PDE1C: variants seen among roughly 807,000 people sequenced by gnomAD.
PDE1C encodes phosphodiesterase 1C.
PDE1C carries 62 observed loss-of-function variants against 93.1 expected under a neutral mutation model. That is an observed-to-expected ratio of 0.67 (90% CI 0.54 to 0.82). The LOEUF (loss-of-function observed/expected upper bound fraction) is 0.82. Among genes scored for constraint, PDE1C ranks in the 40% least tolerant of loss-of-function variants. PDE1C has a pLI of 0.00. For synonymous variants in PDE1C, 325 were observed against 310.1 expected (o/e 1.05, Z -0.50); for missense variants, 742 against 884.6 (o/e 0.84, Z 2.04).
At chr7:31,725,586 G>A in the PDE1C span, among the ~76,000 whole-genome samples, 1 of 152,168 alleles carries the variant, frequency 6.6e-6, no homozygotes, top group Non-Finnish European at 1.5e-5. Context: ...CATCAGGAGT[G>A]AGGGAACACT....
intron 1 of PDE1C, among the ~76,000 whole-genome samples, chr7:32,245,863 A>G (rs1483471968): frequency 1.3e-5 from 2 of 151,866 alleles, no homozygotes; most frequent in African/African-American, 2.4e-5. Context: ...ACTAATCTCA[A>G]CCACAAGGAC....
At chr7:31,860,476 A>G (rs1794564023) in intron 7 of PDE1C, among the ~76,000 whole-genome samples, 1 of 152,228 alleles carries the variant, frequency 6.6e-6, no homozygotes. Context: ...ATAAGTTTAT[A>G]TATCCTTAGA....
intron 17 of PDE1C, among the ~76,000 whole-genome samples, chr7:31,767,836 C>T (rs922862408): frequency 5.3e-5 from 8 of 152,282 alleles, no homozygotes; most frequent in African/African-American, 1.9e-4. Context: ...ATGGTAAAAA[C>T]AGACCAAGCT....
the PDE1C span, among the ~76,000 whole-genome samples, chr7:31,639,987 C>T: frequency 6.6e-6 from 1 of 152,086 alleles, no homozygotes; most frequent in African/African-American, 2.4e-5. Context: ...TTAATATATG[C>T]CACACATTTG....
At chr7:32,244,649 C>G (rs528798848) in intron 1 of PDE1C, among the ~76,000 whole-genome samples, 1 of 152,296 alleles carries the variant, frequency 6.6e-6, no homozygotes, top group South Asian at 2.1e-4. Flanking sequence ...TCAGATAATG[C>G]TGAAAAAGCC....
the PDE1C span, among the ~76,000 whole-genome samples, chr7:31,713,263 C>T: frequency 1.3e-5 from 2 of 152,164 alleles, no homozygotes; most frequent in Non-Finnish European, 2.9e-5. Flanking sequence ...GCTCCAGGGC[C>T]CATGCAAGTC....
intron 2 of PDE1C, among the ~76,000 whole-genome samples, chr7:32,194,652 C>T (rs1311069829): frequency 1.3e-5 from 2 of 152,164 alleles, no homozygotes; most frequent in Non-Finnish European, 2.9e-5. Context: ...AGCTGTCAAC[C>T]TGTCTATACA....
rs369409248 is a variant in PDE1C at position 31,775,699 on chromosome 7, G to C, written c.1925C>G (p.Pro642Arg). The C allele has an allele frequency of 1.2e-6, 2 of 1,612,862 alleles. No homozygotes were observed. Among genetic ancestry groups the C allele is most frequent in the African/African-American group, 1.3e-5 (1 of 75,052 alleles). ...AAGGCGACACGTGGAGCTGGTGCTT[G>C]GGGCTGGTGAGCCGTGAGAACGCTG... ...TKQRSHGSPAPSTSSTCRLTL... is the reference protein window; with the variant it reads ...TKQRSHGSPARSTSSTCRLTL... Residue 642 changes from proline to arginine, a missense_variant, in exon 17 of 18, where the codon CCA (proline) becomes CGA (arginine). Pro to Arg is a moderately radical substitution (Grantham distance 103). Coordinates refer to ENST00000396191, the MANE Select transcript of PDE1C (RefSeq NM_001191057.4).
rs150998714 is a variant in PDE1C, at chr7:32,263,379, G to A, written c.85+35272C>T. Among the ~76,000 whole-genome samples the A allele has an allele frequency of 5.8e-3, 877 of 152,154 alleles. 10 individuals are homozygous for A. The highest frequency in any genetic ancestry group is 0.02 in the African/African-American group (828 of 41,520). ...TGTGTGTGTGTCTGTGTGTCTGTGT[G>A]TGTGTGTGTAGTGAATAAATTTAAT... On this transcript the variant is annotated intron_variant, in intron 1 of 18. Coordinates refer to the PDE1C transcript ENST00000396193.
chr7:31,994,794 G>A (rs745951979), intron 2 of PDE1C, among the ~76,000 whole-genome samples: 15 of 152,092 alleles, frequency 9.9e-5, no homozygotes, highest in South Asian at 4.2e-4. Flanking sequence ...GAAGAGTGAC[G>A]GCACAATTAC....
the PDE1C span, among the ~76,000 whole-genome samples, chr7:31,685,805 C>T: frequency 6.6e-6 from 1 of 152,198 alleles, no homozygotes; most frequent in South Asian, 2.1e-4. Flanking sequence ...TAGGGCCTTC[C>T]CTTCCTAGAC....
chr7:32,307,794 C>T (rs976656523), intron 1 of PDE1C, among the ~76,000 whole-genome samples: 3 of 152,218 alleles, frequency 2.0e-5, no homozygotes, highest in Admixed American at 6.5e-5. Flanking sequence ...CTACAACTCC[C>T]AGCATAAGCG....
chr7:31,690,861 G>A, the PDE1C span, among the ~76,000 whole-genome samples: 1 of 152,132 alleles, frequency 6.6e-6, no homozygotes, highest in Non-Finnish European at 1.5e-5. Context: ...TTCTTCTTCT[G>A]AGGAATGAAT....
At chr7:32,223,733 T>C (rs1807049868) in intron 1 of PDE1C, among the ~76,000 whole-genome samples, 1 of 152,204 alleles carries the variant, frequency 6.6e-6, no homozygotes, top group Admixed American at 6.5e-5. Context: ...GAATAGTGCC[T>C]GGCACAAGCC....
At chr7:32,311,604 G>A (rs572652296) in intron 1 of PDE1C, among the ~76,000 whole-genome samples, 36 of 152,116 alleles carry the variant, frequency 2.4e-4, no homozygotes, top group African/African-American at 8.0e-4. Flanking sequence ...TTCAATATAC[G>A]CAAATCAATA....
chr7:32,158,236 C>T (rs1047358086), intron 3 of PDE1C, among the ~76,000 whole-genome samples: 1 of 152,160 alleles, frequency 6.6e-6, no homozygotes, highest in African/African-American at 2.4e-5. Context: ...ATGAGTCACG[C>T]TCTCAGGCAG....
At chr7:32,244,814 C>T (rs1348513803) in intron 1 of PDE1C, among the ~76,000 whole-genome samples, 1 of 152,212 alleles carries the variant, frequency 6.6e-6, no homozygotes, top group Admixed American at 6.5e-5. Context: ...GACATCACTG[C>T]CCTACATGTT....
At chr7:31,826,626 G>A (rs563170931) in intron 12 of PDE1C, among the ~76,000 whole-genome samples, 9 of 152,080 alleles carry the variant, frequency 5.9e-5, no homozygotes, top group Admixed American at 2.6e-4. Flanking sequence ...TCAGCTTTGC[G>A]TTCAGCCAAA....
intron 3 of PDE1C, among the ~76,000 whole-genome samples, chr7:32,139,070 C>G (rs1044571824): frequency 6.6e-6 from 1 of 152,056 alleles, no homozygotes; most frequent in African/African-American, 2.4e-5. Flanking sequence ...AATAATTAAC[C>G]AGAGTTGATA....
Sources: gnomAD v4.1 joint callset for allele counts (sites outside exome capture counted in the v4.1 genomes callset) on GRCh38, gnomAD v4.1.1 for gene constraint, MANE v1.5 for transcripts, NCBI Gene and HGNC (gene_info 2026-07-23, HGNC 2026-07-21) for gene names.